Variants in MEIS2 observed in about 807,000 individuals in gnomAD.
MEIS2 encodes Meis homeobox 2.
MEIS2 carries 9 observed loss-of-function variants against 58.6 expected under a neutral mutation model. That is an observed-to-expected ratio of 0.15 (90% CI 0.09 to 0.27). The LOEUF (loss-of-function observed/expected upper bound fraction) is 0.27. MEIS2 is among the 10% of genes least tolerant of loss of function. The pLI, the probability that MEIS2 is intolerant of heterozygous loss-of-function variation, is 1.00. For missense variants in MEIS2, 427 were observed against 635.0 expected (o/e 0.67, Z 3.52); for synonymous variants, 221 against 228.4 (o/e 0.97, Z 0.29).
At chr15:37,060,437 G>A (rs572282663) in intron 7 of MEIS2, among the ~76,000 whole-genome samples, 2 of 152,296 alleles carry the variant, frequency 1.3e-5, no homozygotes, top group South Asian at 4.1e-4. Context: ...GTATCATGGA[G>A]TGTTCAATTA....
chr15:37,086,833 C>G (rs1468453426), intron 6 of MEIS2, among the ~76,000 whole-genome samples: 2 of 152,172 alleles, frequency 1.3e-5, no homozygotes, highest in East Asian at 3.9e-4. Flanking sequence ...TGTTGATAAT[C>G]TGGTCAACAA....
chr15:36,981,518 C>T (rs1337033967), intron 8 of MEIS2, among the ~76,000 whole-genome samples: 4 of 151,828 alleles, frequency 2.6e-5, no homozygotes, highest in Admixed American at 1.3e-4. Context: ...GTTCCTTATC[C>T]GATATGATAC....
chr15:37,083,046 A>T (rs1219629426), intron 7 of MEIS2, among the ~76,000 whole-genome samples: 1 of 152,222 alleles, frequency 6.6e-6, no homozygotes, highest in Non-Finnish European at 1.5e-5. Flanking sequence ...ATCTTCCTTT[A>T]AATTATCATT....
At chr15:36,913,747 T>C (rs753457740) in intron 9 of MEIS2, among the ~76,000 whole-genome samples, 1 of 151,632 alleles carries the variant, frequency 6.6e-6, no homozygotes, top group Non-Finnish European at 1.5e-5. Flanking sequence ...AAAAAAAGCT[T>C]AAGGAGATTT....
chr15:36,941,631 T>G (rs538520777), intron 9 of MEIS2, among the ~76,000 whole-genome samples: 10 of 152,350 alleles, frequency 6.6e-5, no homozygotes, highest in Non-Finnish European at 1.3e-4. Flanking sequence ...TAAGACAGTT[T>G]GACTTTGAAA....
intron 6 of MEIS2, among the ~76,000 whole-genome samples, chr15:37,089,746 A>G (rs1037582585): frequency 6.6e-6 from 1 of 152,190 alleles, no homozygotes. Flanking sequence ...TTGCTTCAAG[A>G]AAATAGAGCT....
intron 9 of MEIS2, among the ~76,000 whole-genome samples, chr15:36,938,014 T>C (rs1183059112): frequency 6.6e-6 from 1 of 152,194 alleles, no homozygotes; most frequent in Admixed American, 6.5e-5. Flanking sequence ...CCAACCCTAG[T>C]TGGTCTTTCC....
At chr15:37,036,180 C>A (rs965181351) in intron 8 of MEIS2, among the ~76,000 whole-genome samples, 2 of 152,230 alleles carry the variant, frequency 1.3e-5, no homozygotes, top group Non-Finnish European at 2.9e-5. Context: ...ATAGTAAAAC[C>A]GTTTCCAGAA....
intron 8 of MEIS2, among the ~76,000 whole-genome samples, chr15:36,999,617 G>T (rs1002558640): frequency 6.6e-6 from 1 of 152,038 alleles, no homozygotes; most frequent in Admixed American, 6.5e-5. Context: ...CATGTTTCCA[G>T]CTGCATGACA....
intron 9 of MEIS2, among the ~76,000 whole-genome samples, chr15:36,947,943 G>A (rs183169527): frequency 6.6e-6 from 1 of 152,060 alleles, no homozygotes; most frequent in Non-Finnish European, 1.5e-5. Context: ...AAAATAAGTG[G>A]TGTTCACTTT....
chr15:37,002,715 T>G (rs6495884), intron 8 of MEIS2, among the ~76,000 whole-genome samples: 149,762 of 152,194 alleles, frequency 0.98, 73,724 homozygotes, highest in Middle Eastern at 1. Context: ...CTTCGTATAT[T>G]TCACATCTTG....
At chr15:36,950,700 G>A (rs1479004175) in intron 8 of MEIS2, among the ~76,000 whole-genome samples, 2 of 152,020 alleles carry the variant, frequency 1.3e-5, no homozygotes, top group Non-Finnish European at 2.9e-5. Flanking sequence ...CAGAATTTTG[G>A]TCATCTAACT....
chr15:37,094,942 T>TTTA (rs1894019432), intron 4 of MEIS2: 1 of 82,256 alleles, frequency 1.2e-5, no homozygotes. Context: ...TTTTTTTCCT[T>TTTA]AAAAAAAAAA....
intron 8 of MEIS2, among the ~76,000 whole-genome samples, chr15:37,032,878 A>C (rs1485555434): frequency 2.0e-5 from 3 of 152,174 alleles, no homozygotes; most frequent in Non-Finnish European, 4.4e-5. Flanking sequence ...AATTCTGACT[A>C]TGGAAACGGT....
At chr15:36,983,430 C>T (rs1021668209) in intron 8 of MEIS2, among the ~76,000 whole-genome samples, 17 of 151,998 alleles carry the variant, frequency 1.1e-4, no homozygotes, top group Admixed American at 5.2e-4. Context: ...TGTTCTTGCA[C>T]CCTTGTTGAG....
intron 9 of MEIS2, 74 bp downstream of exon 9, chr15:36,950,250 A>G: frequency 5.2e-6 from 7 of 1,346,970 alleles, no homozygotes; most frequent in Non-Finnish European, 7.3e-6. Flanking sequence ...AAAAAAAAAA[A>G]AAAGAGAGAA....
At chr15:37,000,004 C>T (rs1323156720) in intron 8 of MEIS2, among the ~76,000 whole-genome samples, 1 of 152,164 alleles carries the variant, frequency 6.6e-6, no homozygotes, top group East Asian at 1.9e-4. Flanking sequence ...TTCCTACCTC[C>T]CACATGGAAA....
intron 8 of MEIS2, among the ~76,000 whole-genome samples, chr15:36,991,166 C>T (rs112695705): frequency 7.9e-5 from 12 of 152,202 alleles, no homozygotes; most frequent in African/African-American, 2.9e-4. Context: ...CAGACTAAAG[C>T]AAAATGCTCT....
rs138503850 is a variant in MEIS2 at position 37,098,109 on chromosome 15, G to A, written c.103C>T (p.Pro35Ser). 1.5e-5 allele frequency: 24 copies of A among 1,613,744 alleles called. No individual in the cohort carries two copies. Among genetic ancestry groups the A allele is most frequent in the Admixed American group, 1.7e-5 (1 of 59,984 alleles). The change falls in exon 2 of 12, where the codon CCG becomes TCG. Residue 35 changes from proline to serine, a missense_variant. Around this residue, in one of 6 missense-constraint regions of MEIS2, gnomAD observed 103 missense variants for 111.8 expected, o/e 0.92. Transcript: ENST00000561208. ...GDPHAPRPIPPVHHLNHGPPL... is the reference protein window; with the variant it reads ...GDPHAPRPIPSVHHLNHGPPL... ...GGCCCGTGGTTCAGGTGGTGAACCGGGGGGATCGGCCGCGGCGCGTGAGGG... is the reference window on the plus strand; with the variant it reads ...GGCCCGTGGTTCAGGTGGTGAACCGAGGGGATCGGCCGCGGCGCGTGAGGG...
Sources: allele counts gnomAD v4.1 joint callset (sites outside exome capture counted in the v4.1 genomes callset), GRCh38; gene constraint gnomAD v4.1.1; regional missense constraint gnomAD v4.1.1; transcripts MANE v1.5; gene names NCBI Gene and HGNC (gene_info 2026-07-23, HGNC 2026-07-21).